The following INTS4 variants were observed in gnomAD, a reference collection of about 807,000 sequenced individuals.
The protein encoded by INTS4 is MSTP093.
Under a neutral mutation model 119.5 loss-of-function variants are expected in INTS4, and 70 were observed. The ratio of observed to expected loss-of-function variants is 0.59; its 90% CI spans 0.48 to 0.71. The LOEUF is 0.71. Ranked by LOEUF, INTS4 falls within the 30% of genes least tolerant of loss-of-function variation. INTS4 has a pLI of 0.00. For synonymous variants in INTS4, 316 were observed against 419.6 expected (o/e 0.75, Z 3.02); for missense variants, 867 against 1,173.2 (o/e 0.74, Z 3.81).
At chr11:77,951,706 T>C (rs896291187) in intron 8 of INTS4, among the ~76,000 whole-genome samples, 6 of 152,134 alleles carry the variant, frequency 3.9e-5, no homozygotes, top group Admixed American at 1.3e-4. Flanking sequence ...CAAAAGAAAC[T>C]ACCATCAGAG....
chr11:77,881,150 A>C (rs611906), intron 22 of INTS4, among the ~76,000 whole-genome samples: 1 of 151,998 alleles, frequency 6.6e-6, no homozygotes, highest in African/African-American at 2.4e-5. Flanking sequence ...GGATAACTCA[A>C]GCAACTTCTG....
intron 10 of INTS4, among the ~76,000 whole-genome samples, chr11:77,937,916 C>T (rs1953840465): frequency 6.6e-6 from 1 of 152,010 alleles, no homozygotes; most frequent in Non-Finnish European, 1.5e-5. Context: ...GGCACGATCT[C>T]AGCTCACTGC....
At chr11:77,986,423 G>A (rs941168152) in intron 2 of INTS4, among the ~76,000 whole-genome samples, 2 of 152,208 alleles carry the variant, frequency 1.3e-5, no homozygotes, top group African/African-American at 4.8e-5. Flanking sequence ...GTGGAAGAGA[G>A]TGCGGCAATT....
At chr11:77,895,025 A>G (rs1474814067) in intron 18 of INTS4, among the ~76,000 whole-genome samples, 2 of 152,208 alleles carry the variant, frequency 1.3e-5, no homozygotes, top group African/African-American at 4.8e-5. Flanking sequence ...AAGAGGGGAA[A>G]AGGTTTTGTT....
intron 4 of INTS4, among the ~76,000 whole-genome samples, chr11:77,975,224 G>T (rs1855899951): frequency 6.6e-6 from 1 of 150,796 alleles, no homozygotes; most frequent in Non-Finnish European, 1.5e-5. Context: ...TTTTATGATG[G>T]GCACTTAAAA....
intron 18 of INTS4, among the ~76,000 whole-genome samples, chr11:77,899,935 C>T (rs1320726680): frequency 6.6e-6 from 1 of 151,854 alleles, no homozygotes. Flanking sequence ...TACCAGAGAA[C>T]CTTCACTTAC....
intron 8 of INTS4, among the ~76,000 whole-genome samples, chr11:77,951,190 G>A (rs575275522): frequency 1.3e-5 from 2 of 152,228 alleles, no homozygotes; most frequent in South Asian, 4.1e-4. Context: ...ACATACATGT[G>A]CTTGTGTCTT....
chr11:77,944,483 A>G (rs968208093), intron 8 of INTS4, among the ~76,000 whole-genome samples: 43 of 152,182 alleles, frequency 2.8e-4, no homozygotes, highest in Non-Finnish European at 2.2e-4. Flanking sequence ...CTCAGTTCAG[A>G]GATCAGCTCC....
intron 19 of INTS4, among the ~76,000 whole-genome samples, chr11:77,893,244 T>G (rs1377169129): frequency 2.6e-5 from 4 of 152,220 alleles, no homozygotes; most frequent in Non-Finnish European, 5.9e-5. Context: ...AATACATGTA[T>G]TCTACAAAAT....
intron 21 of INTS4, among the ~76,000 whole-genome samples, chr11:77,890,871 A>T (rs1417994109): frequency 2.6e-5 from 4 of 152,216 alleles, no homozygotes; most frequent in Non-Finnish European, 5.9e-5. Flanking sequence ...ACATCTATGT[A>T]ACTTGGGAAA....
At chr11:77,915,344 G>A (rs1234877895) in intron 15 of INTS4, 2 of 152,176 alleles carry the variant, frequency 1.3e-5, no homozygotes, top group African/African-American at 2.4e-5. Context: ...TGGCTGGTGA[G>A]ACCCTCCAGG....
At chr11:77,919,297 C>CATT (rs1215730221) in intron 14 of INTS4, among the ~76,000 whole-genome samples, 3 of 73,890 alleles carry the variant, frequency 4.1e-5, no homozygotes, top group Non-Finnish European at 8.5e-5. Context: ...ACTGTTGTTA[C>CATT]ATTTTTTTTT....
chr11:77,896,743 T>A (rs1478267038), intron 18 of INTS4, among the ~76,000 whole-genome samples: 3 of 137,362 alleles, frequency 2.2e-5, no homozygotes, highest in Admixed American at 7.1e-5. Flanking sequence ...GAAAAATAGA[T>A]CCAGAAAATC....
At chr11:77,886,585 A>G (rs567851789) in intron 21 of INTS4, among the ~76,000 whole-genome samples, 1 of 152,346 alleles carries the variant, frequency 6.6e-6, no homozygotes, top group East Asian at 1.9e-4. Context: ...AGTGACGCAC[A>G]TGAATGGATG....
chr11:77,938,330 C>T (rs928752421), intron 10 of INTS4, among the ~76,000 whole-genome samples: 1 of 152,050 alleles, frequency 6.6e-6, no homozygotes, highest in Non-Finnish European at 1.5e-5. Flanking sequence ...TAAATAGGCA[C>T]GTGTATTATG....
intron 8 of INTS4, among the ~76,000 whole-genome samples, chr11:77,942,748 C>T (rs1953959209): frequency 6.6e-6 from 1 of 152,156 alleles, no homozygotes; most frequent in South Asian, 2.1e-4. Flanking sequence ...AGGTCCTAGA[C>T]ATTAAGAAAT....
chr11:77,886,227 C>T (rs1199707759), intron 21 of INTS4, among the ~76,000 whole-genome samples: 1 of 151,912 alleles, frequency 6.6e-6, no homozygotes, highest in Non-Finnish European at 1.5e-5. Context: ...AAAAAATTCC[C>T]AGCATTCTCA....
chr11:77,984,231 A>G (rs1453357419), intron 2 of INTS4, among the ~76,000 whole-genome samples: 1 of 152,148 alleles, frequency 6.6e-6, no homozygotes, highest in African/African-American at 2.4e-5. Flanking sequence ...AGTGGCTCAC[A>G]TCTGTAATCC....
At chr11:77,961,433 G>A (rs964348387) in intron 4 of INTS4, among the ~76,000 whole-genome samples, 3 of 152,038 alleles carry the variant, frequency 2.0e-5, no homozygotes, top group East Asian at 3.8e-4. Context: ...TTTAAAATTC[G>A]TCCCTGATTG....
Sources: allele counts gnomAD v4.1 joint callset (sites outside exome capture counted in the v4.1 genomes callset), GRCh38; gene constraint gnomAD v4.1.1; transcripts MANE v1.5; gene names NCBI Gene and HGNC (gene_info 2026-07-23, HGNC 2026-07-21).